The following FAR2 variants were observed in gnomAD, a reference collection of about 807,000 sequenced individuals.
The protein encoded by FAR2 is epididymis secretory protein Li 81.
FAR2 carries 19 observed loss-of-function variants against 56.0 expected under a neutral mutation model. That is an observed-to-expected ratio of 0.34 (90% CI 0.24 to 0.50). FAR2 has a LOEUF of 0.50. Among genes scored for constraint, FAR2 ranks in the 20% least tolerant of loss-of-function variants. The pLI is 0.98. For synonymous variants in FAR2, 219 were observed against 218.8 expected, an observed-to-expected ratio of 1.00 and a Z score of -0.01; for missense variants, 508 against 642.2, an observed-to-expected ratio of 0.79 and a Z score of 2.26.
chr12:29,256,868 C>T (rs1171945804), intron 1 of FAR2, among the ~76,000 whole-genome samples: 6 of 152,246 alleles, frequency 3.9e-5, no homozygotes, highest in Non-Finnish European at 5.9e-5. Context: ...CGGGCCTTAG[C>T]TGCCTTCCTG....
At chr12:29,231,605 T>C (rs1291515051) in intron 1 of FAR2, among the ~76,000 whole-genome samples, 6 of 152,176 alleles carry the variant, frequency 3.9e-5, no homozygotes, top group Non-Finnish European at 8.8e-5. Flanking sequence ...GGAAGATTGA[T>C]ACATGCAAGA....
At chr12:29,253,964 A>T (rs1214845882) in intron 1 of FAR2, among the ~76,000 whole-genome samples, 2 of 152,158 alleles carry the variant, frequency 1.3e-5, no homozygotes, top group African/African-American at 4.8e-5. Context: ...TGATTTTTTT[A>T]AAAAAGACTT....
rs1947438017 is a variant in FAR2 at position 29,203,335 on chromosome 12, T to A, written c.-39+53928T>A. 2.6e-5 allele frequency among the ~76,000 whole-genome samples: 4 copies of A among 152,242 alleles called. No homozygotes were observed. The South Asian group carries it at 8.3e-4, about 31-fold the overall frequency. ...TGTAACTGCTTTGCATTTATCGTTT[T>A]TGCAGGAAAGCGATTTATGCTGCAC... is the stretch of plus-strand genomic sequence containing the variant. On this transcript the variant is annotated intron_variant, in intron 1 of 11. Transcript: ENST00000536681.
chr12:29,287,848 A>T (rs1948902036), intron 2 of FAR2, among the ~76,000 whole-genome samples: 1 of 152,176 alleles, frequency 6.6e-6, no homozygotes, highest in African/African-American at 2.4e-5. Context: ...ATTGTAAGAG[A>T]CCATGTTAAA....
chr12:29,308,707 C>CATATATATAT lies in FAR2; in HGVS notation c.724-478_724-477insTATATATATA, dbSNP rs1253144255. 4.5e-3 allele frequency among the ~76,000 whole-genome samples: 619 copies of CATATATATAT among 136,898 alleles called. 26 individuals carry two copies. The highest frequency in any genetic ancestry group is 0.019 in the African/African-American group (578 of 30,684). 89.8% of individuals were successfully genotyped at this position (136,898 alleles called of 152,430 possible). ...ACACACAGACACACACACACACACA[C>CATATATATAT]ACACACACACACATATATATATATA... is the stretch of plus-strand genomic sequence containing the variant. On this transcript the variant is annotated intron_variant, in intron 5 of 11. Transcript: ENST00000536681.
intron 2 of FAR2, among the ~76,000 whole-genome samples, chr12:29,272,635 A>G (rs1948637851): frequency 6.6e-6 from 1 of 152,124 alleles, no homozygotes; most frequent in Non-Finnish European, 1.5e-5. Flanking sequence ...ACTTCTGTCA[A>G]TTTGTCCATC....
intron 1 of FAR2, among the ~76,000 whole-genome samples, chr12:29,225,529 C>T (rs797009855): frequency 5.3e-5 from 8 of 152,162 alleles, no homozygotes; most frequent in South Asian, 2.1e-4. Flanking sequence ...CTAAAAAATT[C>T]GCATATTTTT....
chr12:29,299,512 A>G (rs990519650), intron 4 of FAR2, among the ~76,000 whole-genome samples: 1 of 152,218 alleles, frequency 6.6e-6, no homozygotes, highest in South Asian at 2.1e-4. Context: ...TTTAACCTCC[A>G]TCTGTCATTT....
intron 1 of FAR2, among the ~76,000 whole-genome samples, chr12:29,153,345 A>G (rs1211379558): frequency 6.6e-6 from 1 of 152,206 alleles, no homozygotes; most frequent in Non-Finnish European, 1.5e-5. Flanking sequence ...GACTAAAAAA[A>G]AAATCAACAA....
intron 10 of FAR2, 109 bp from the exon 11 acceptor site, chr12:29,332,491 A>G: frequency 1.3e-6 from 2 of 1,499,364 alleles, no homozygotes; most frequent in Non-Finnish European, 1.8e-6. Context: ...GGTCCAACCT[A>G]TGTCTCCCAA....
At chr12:29,245,825 C>T (rs1948118552) in intron 1 of FAR2, among the ~76,000 whole-genome samples, 1 of 152,096 alleles carries the variant, frequency 6.6e-6, no homozygotes, top group South Asian at 2.1e-4. Flanking sequence ...TTAGAATACA[C>T]ATCGGACTTT....
At chr12:29,236,271 T>A (rs1032877292) in intron 1 of FAR2, among the ~76,000 whole-genome samples, 1 of 152,186 alleles carries the variant, frequency 6.6e-6, no homozygotes, top group Admixed American at 6.5e-5. Flanking sequence ...AGATGCGCTT[T>A]TGTTACTAAA....
At chr12:29,313,199 C>T (rs546616842) in intron 8 of FAR2, among the ~76,000 whole-genome samples, 2 of 152,238 alleles carry the variant, frequency 1.3e-5, no homozygotes, top group South Asian at 4.1e-4. Context: ...CCTCAGGTGA[C>T]ATTACAAGGA....
At chr12:29,196,318 A>G (rs1411813172) in intron 1 of FAR2, among the ~76,000 whole-genome samples, 1 of 152,126 alleles carries the variant, frequency 6.6e-6, no homozygotes, top group East Asian at 1.9e-4. Context: ...GTATATAAGC[A>G]TTCTCTTTTC....
intron 1 of FAR2, among the ~76,000 whole-genome samples, chr12:29,190,771 C>T (rs1335760968): frequency 7.5e-6 from 1 of 133,264 alleles, no homozygotes; most frequent in East Asian, 2.3e-4. Context: ...CCAAAATTCA[C>T]GGTGGTTTTT....
chr12:29,180,398 A>T (rs1949980704), intron 1 of FAR2, among the ~76,000 whole-genome samples: 1 of 152,168 alleles, frequency 6.6e-6, no homozygotes, highest in Middle Eastern at 3.4e-3. Flanking sequence ...TTCTTCCAAC[A>T]TGAGTTTCCA....
At chr12:29,256,767 T>A (rs918078745) in intron 1 of FAR2, among the ~76,000 whole-genome samples, 1 of 152,168 alleles carries the variant, frequency 6.6e-6, no homozygotes, top group African/African-American at 2.4e-5. Context: ...GCCCCGGCAA[T>A]GAAGGGCTTA....
intron 10 of FAR2, among the ~76,000 whole-genome samples, chr12:29,330,695 G>A (rs1185644525): frequency 6.6e-6 from 1 of 152,122 alleles, no homozygotes; most frequent in Non-Finnish European, 1.5e-5. Flanking sequence ...AGACTCTGGA[G>A]GAAAGATGCA....
At chr12:29,187,102 T>TA (rs1950051981) in intron 1 of FAR2, among the ~76,000 whole-genome samples, 1 of 152,194 alleles carries the variant, frequency 6.6e-6, no homozygotes, top group African/African-American at 2.4e-5. Context: ...TTAGTTCTTA[T>TA]AACTGTTCTT....
Sources: gnomAD v4.1 joint callset for allele counts (sites outside exome capture counted in the v4.1 genomes callset) on GRCh38, gnomAD v4.1.1 for gene constraint, MANE v1.5 for transcripts, NCBI Gene and HGNC (gene_info 2026-07-23, HGNC 2026-07-21) for gene names.